EIPR1: variants seen among roughly 807,000 people sequenced by gnomAD.
EIPR1 encodes EARP and GARP complex-interacting protein 1.
In EIPR1, 25 loss-of-function variants were observed where a neutral mutation model predicts 48.1. The observed-to-expected ratio is 0.52, with a 90% confidence interval of 0.38 to 0.73. EIPR1 has a LOEUF of 0.73. Among genes scored for constraint, EIPR1 ranks in the 30% least tolerant of loss-of-function variants. The pLI is 0.00. For missense variants in EIPR1, 415 were observed against 506.2 expected (o/e 0.82, Z 1.73); for synonymous variants, 204 against 201.9 (o/e 1.01, Z -0.09).
At chr2:3,207,637 A>G (rs1030389890) in intron 5 of EIPR1, among the ~76,000 whole-genome samples, 1 of 152,270 alleles carries the variant, frequency 6.6e-6, no homozygotes, top group African/African-American at 2.4e-5. Flanking sequence ...GAAGCTCCCC[A>G]GGGTGAGCAG....
At chr2:3,300,045 A>T (rs1668721648) in intron 3 of EIPR1, among the ~76,000 whole-genome samples, 1 of 152,210 alleles carries the variant, frequency 6.6e-6, no homozygotes, top group Admixed American at 6.5e-5. Flanking sequence ...CAGTGCAGAC[A>T]GCTGTGGCTG....
intron 1 of EIPR1, among the ~76,000 whole-genome samples, chr2:3,376,666 G>A (rs1459443972): frequency 6.8e-6 from 1 of 147,392 alleles, no homozygotes; most frequent in African/African-American, 2.5e-5. Flanking sequence ...ACTCTAGCCT[G>A]GGCAACGGAG....
intron 1 of EIPR1, among the ~76,000 whole-genome samples, chr2:3,362,418 A>T (rs1252169021): frequency 8.6e-5 from 13 of 151,824 alleles, no homozygotes; most frequent in African/African-American, 2.9e-4. Flanking sequence ...TGCTTAAATT[A>T]CATTTTAACA....
chr2:3,192,091 T>C lies in EIPR1; in HGVS notation c.989+323A>G, dbSNP rs1200107297. 2.6e-5 allele frequency among the ~76,000 whole-genome samples: 4 copies of C among 152,238 alleles called. No individual in the cohort carries two copies. In the South Asian group the frequency reaches 8.3e-4, roughly 31 times the overall value. On this transcript the variant is annotated intron_variant, in intron 8 of 8. Transcript: ENST00000382125. ...AGGGAGTGCTGTGAGGATTGGGATA[T>C]ATTCGTTCTATTATTATTCATGCTC...
chr2:3,280,656 C>G (rs560210966), intron 3 of EIPR1, among the ~76,000 whole-genome samples: 1 of 152,282 alleles, frequency 6.6e-6, no homozygotes, highest in East Asian at 1.9e-4. Flanking sequence ...ATCAGCAGGC[C>G]TGTTTTGTTC....
chr2:3,354,655 C>T (rs1442163322), intron 1 of EIPR1, 22 bp from the exon 2 acceptor site: 1 of 1,608,940 alleles, frequency 6.2e-7, no homozygotes, highest in African/African-American at 1.3e-5. Context: ...AAGAAAAACA[C>T]ATGCACATTT....
chr2:3,319,002 G>A (rs1170247381), intron 3 of EIPR1: 2 of 467,970 alleles, frequency 4.3e-6, no homozygotes, highest in East Asian at 7.0e-5. Flanking sequence ...ACTTACCCCA[G>A]CAACAAAATA....
intron 1 of EIPR1, among the ~76,000 whole-genome samples, chr2:3,355,812 TAAATAAAATA>T (rs10581799): frequency 2.8e-4 from 41 of 148,804 alleles, no homozygotes; most frequent in East Asian, 7.9e-4. Flanking sequence ...AGACCCTGTC[TAAATAAAATA>T]AAATAAAATA....
At chr2:3,285,991 T>G (rs1487463482) in intron 3 of EIPR1, among the ~76,000 whole-genome samples, 1 of 152,210 alleles carries the variant, frequency 6.6e-6, no homozygotes, top group Non-Finnish European at 1.5e-5. Flanking sequence ...TTGGAAGCAG[T>G]GCCCTGCCCT....
intron 1 of EIPR1, among the ~76,000 whole-genome samples, chr2:3,358,875 C>T (rs1003103765): frequency 1.2e-4 from 18 of 152,150 alleles, no homozygotes; most frequent in South Asian, 4.1e-4. Flanking sequence ...TCACCCTAGA[C>T]GTTAAAAAGC....
chr2:3,269,712 GCACTCAATCATCA>G (rs1250342923), intron 3 of EIPR1, among the ~76,000 whole-genome samples: 22 of 149,418 alleles, frequency 1.5e-4, no homozygotes, highest in Non-Finnish European at 3.0e-4. Context: ...CTCAATCATC[GCACTCAATCATCA>G]CACTCAATCA....
chr2:3,230,560 TC>T, intron 4 of EIPR1, among the ~76,000 whole-genome samples: 2 of 152,366 alleles, frequency 1.3e-5, no homozygotes, highest in East Asian at 3.9e-4. Flanking sequence ...ATATAGGATT[TC>T]AAATTTTCAG....
intron 3 of EIPR1, among the ~76,000 whole-genome samples, chr2:3,263,052 AAGG>A (rs1477865695): frequency 6.6e-6 from 1 of 152,206 alleles, no homozygotes; most frequent in African/African-American, 2.4e-5. Flanking sequence ...TTAGCTGAAG[AAGG>A]AGAAGAGATC....
chr2:3,259,012 C>A (rs58325443), intron 3 of EIPR1, among the ~76,000 whole-genome samples: 87 of 151,942 alleles, frequency 5.7e-4, no homozygotes, highest in African/African-American at 1.9e-3. Context: ...CTCCTGGAAA[C>A]ACAAAAATAA....
At chr2:3,241,694 TC>T (rs1460381070) in intron 4 of EIPR1, among the ~76,000 whole-genome samples, 1 of 152,164 alleles carries the variant, frequency 6.6e-6, no homozygotes, top group Non-Finnish European at 1.5e-5. Flanking sequence ...GTATGCAGCA[TC>T]CCTTCATTGC....
At position 3,285,422 on chromosome 2, in the gene EIPR1, C is replaced by T. The variant is rs182100273; in HGVS notation, c.260-27967G>A. Among the ~76,000 whole-genome samples, 857 of 151,942 alleles carry T rather than the reference C, an allele frequency of 5.6e-3. 6 individuals are homozygous for T. Among genetic ancestry groups the T allele is most frequent in the African/African-American group, 0.019 (805 of 41,410 alleles). ...GCAGCGAGCGAGCACTGGCCACGGC[C>T]TCTGCTTCTATCAAGGCTCAGGGCC... On this transcript the variant is annotated intron_variant, in intron 3 of 8. Coordinates refer to ENST00000382125, the MANE Select transcript of EIPR1 (RefSeq NM_003310.5).
chr2:3,342,780 T>C (rs915488994), intron 2 of EIPR1, among the ~76,000 whole-genome samples: 1 of 152,248 alleles, frequency 6.6e-6, no homozygotes, highest in Non-Finnish European at 1.5e-5. Flanking sequence ...TACACTGCAA[T>C]AGAAATGGTC....
intron 3 of EIPR1, among the ~76,000 whole-genome samples, chr2:3,270,416 G>A (rs572104423): frequency 3.0e-4 from 45 of 152,302 alleles, no homozygotes; most frequent in African/African-American, 8.2e-4. Context: ...TCCATGCGGC[G>A]GTGGTAGCTG....
chr2:3,320,138 C>CGGGCAACACCACCCCTGT (rs1669479133), intron 3 of EIPR1: 1 of 189,054 alleles, frequency 5.3e-6, no homozygotes, highest in African/African-American at 2.5e-5. Context: ...ACCACCCCTG[C>CGGGCAACACCACCCCTGT]GGGCAACACC....
Sources: gnomAD v4.1 joint callset for allele counts (sites outside exome capture counted in the v4.1 genomes callset) on GRCh38, gnomAD v4.1.1 for gene constraint, MANE v1.5 for transcripts, NCBI Gene and HGNC (gene_info 2026-07-23, HGNC 2026-07-21) for gene names.